Variants in B3GALT1 observed in about 807,000 individuals in gnomAD.
B3GALT1 encodes beta-1,3-galactosyltransferase 1.
A neutral mutation model predicts 23.2 loss-of-function variants in B3GALT1; 10 were observed. That is an observed-to-expected ratio of 0.43 (90% confidence interval 0.27 to 0.73). The LOEUF is 0.73. Ranked by LOEUF, B3GALT1 falls within the 30% of genes least tolerant of loss-of-function variation. B3GALT1 has a pLI of 0.21. For missense variants in B3GALT1, 299 were observed against 405.4 expected, an observed-to-expected ratio of 0.74 and a Z score of 2.25; for synonymous variants, 156 against 141.5, an observed-to-expected ratio of 1.10 and a Z score of -0.73.
intron 2 of B3GALT1, among the ~76,000 whole-genome samples, chr2:167,577,818 GAATTACTAA>G (rs1432827272): frequency 1.4e-5 from 2 of 148,046 alleles, no homozygotes; most frequent in Admixed American, 6.6e-5. Flanking sequence ...AGAACATTCT[GAATTACTAA>G]AATTAACCTA....
intron 1 of B3GALT1, among the ~76,000 whole-genome samples, chr2:167,342,224 C>T (rs1311721448): frequency 6.6e-6 from 1 of 152,110 alleles, no homozygotes; most frequent in Non-Finnish European, 1.5e-5. Context: ...AAAGACACAT[C>T]TTGAAAATGT....
intron 3 of B3GALT1, among the ~76,000 whole-genome samples, chr2:167,723,748 C>CAGGCTGAGG (rs1687268211): frequency 1.3e-5 from 2 of 152,230 alleles, no homozygotes; most frequent in East Asian, 3.9e-4. Context: ...TCAGGCTGGT[C>CAGGCTGAGG]TCGAACTCCT....
chr2:167,487,784 G>T (rs1328807473), intron 1 of B3GALT1, among the ~76,000 whole-genome samples: 1 of 152,078 alleles, frequency 6.6e-6, no homozygotes, highest in Non-Finnish European at 1.5e-5. Context: ...TGGAAAACGG[G>T]TCTATTTGTG....
Position 167,872,923 on chromosome 2 carries a change from C to G in B3GALT1, c.*2903C>G, listed in dbSNP as rs1690380780. ...CTTCTGCATGGAGCTTTTGGTGAAGCAAGGCCATTTGTCCAGTGTTTCATA... is the reference window on the plus strand; with the variant it reads ...CTTCTGCATGGAGCTTTTGGTGAAGGAAGGCCATTTGTCCAGTGTTTCATA... On this transcript the variant is annotated 3_prime_UTR_variant, in exon 5 of 5. Coordinates refer to ENST00000392690, the MANE Select transcript of B3GALT1 (RefSeq NM_020981.4). The G allele has an allele frequency of 6.6e-6, 1 of 152,122 alleles. No homozygotes were observed. Among genetic ancestry groups the G allele is most frequent in the Admixed American group, 6.6e-5 (1 of 15,266 alleles). The allele number at this position is 152,122 out of a possible 1,614,324, so 9.4% of individuals were successfully genotyped here. A position where few individuals can be genotyped will look rare whatever the true frequency, so the allele number is the denominator to read the frequency against.
At chr2:167,545,626 A>G (rs567549723) in intron 2 of B3GALT1, among the ~76,000 whole-genome samples, 1 of 152,208 alleles carries the variant, frequency 6.6e-6, no homozygotes, top group Admixed American at 6.5e-5. Flanking sequence ...ACAGTCCTGT[A>G]CAGGACTGCC....
At chr2:167,749,150 A>G (rs888041707) in intron 3 of B3GALT1, among the ~76,000 whole-genome samples, 1 of 152,262 alleles carries the variant, frequency 6.6e-6, no homozygotes, top group Non-Finnish European at 1.5e-5. Flanking sequence ...ATGATTAATC[A>G]TGAAAGTCCT....
chr2:167,597,117 G>GTTTTTTT, intron 2 of B3GALT1, among the ~76,000 whole-genome samples: 1 of 131,452 alleles, frequency 7.6e-6, no homozygotes, highest in Non-Finnish European at 1.7e-5. Flanking sequence ...TTTTGTTTTT[G>GTTTTTTT]TTTTTTTTTT....
At chr2:167,653,574 C>T (rs1046371286) in intron 3 of B3GALT1, among the ~76,000 whole-genome samples, 5 of 152,130 alleles carry the variant, frequency 3.3e-5, no homozygotes, top group African/African-American at 9.7e-5. Flanking sequence ...AAATGAAAGG[C>T]TTTAGAGGTC....
rs201675808 is a variant in B3GALT1, at chr2:167,676,469, TTA to T, written c.-352+29514_-352+29515del. The stretch of plus-strand genomic sequence containing the variant: ...TTTTATCAACTCTTCCCATCTAACC[TTA>T]TATATATATACACACACACACACAT... On this transcript the variant is annotated intron_variant, in intron 3 of 4. Coordinates refer to ENST00000392690, the MANE Select transcript of B3GALT1 (RefSeq NM_020981.4). Among the ~76,000 whole-genome samples the T allele has an allele frequency of 8.8e-5, 13 of 147,616 alleles. No homozygotes were observed. The East Asian group carries it at 2.0e-3, about 22-fold the overall frequency.
chr2:167,618,427 G>A (rs963040601), intron 2 of B3GALT1, among the ~76,000 whole-genome samples: 1 of 151,942 alleles, frequency 6.6e-6, no homozygotes, highest in Admixed American at 6.6e-5. Flanking sequence ...TGAACCTTTT[G>A]AGAGTACAGA....
At chr2:167,521,658 A>G (rs1700189924) in intron 2 of B3GALT1, among the ~76,000 whole-genome samples, 1 of 151,978 alleles carries the variant, frequency 6.6e-6, no homozygotes, top group South Asian at 2.1e-4. Flanking sequence ...AATTTCTTAC[A>G]CCTTTCCTAA....
chr2:167,863,465 C>T (rs563961835), intron 4 of B3GALT1, among the ~76,000 whole-genome samples: 18 of 152,264 alleles, frequency 1.2e-4, no homozygotes, highest in East Asian at 5.8e-4. Flanking sequence ...TTGTTAATAC[C>T]TGTGATGTAT....
At chr2:167,810,624 A>G (rs1214454372) in intron 3 of B3GALT1, among the ~76,000 whole-genome samples, 1 of 150,988 alleles carries the variant, frequency 6.6e-6, no homozygotes, top group Admixed American at 6.6e-5. Context: ...CCATCTGTGT[A>G]TTACAAAGTA....
At chr2:167,706,085 A>G (rs1199279068) in intron 3 of B3GALT1, among the ~76,000 whole-genome samples, 1 of 152,198 alleles carries the variant, frequency 6.6e-6, no homozygotes, top group African/African-American at 2.4e-5. Flanking sequence ...AGAAGAGACA[A>G]TCAGTAACTG....
intron 3 of B3GALT1, among the ~76,000 whole-genome samples, chr2:167,780,097 T>C (rs1050665029): frequency 6.6e-6 from 1 of 152,226 alleles, no homozygotes; most frequent in African/African-American, 2.4e-5. Context: ...TACAAGTGTT[T>C]ATTTTTTATC....
chr2:167,769,241 A>G lies in B3GALT1; in HGVS notation c.-351-49431A>G, dbSNP rs534397173. Among the ~76,000 whole-genome samples, 10 of 152,188 alleles carry G rather than the reference A, an allele frequency of 6.6e-5. No homozygotes were observed. In the East Asian group the frequency reaches 1.9e-3, roughly 30 times the overall value. ...ACAGCTGTTATTTCAGCCTGCACAA[A>G]TCCTAGTGGGCACAAGATGTAGTGT... On this transcript the variant is annotated intron_variant, in intron 3 of 4. Coordinates refer to ENST00000392690, the MANE Select transcript of B3GALT1 (RefSeq NM_020981.4).
intron 3 of B3GALT1, among the ~76,000 whole-genome samples, chr2:167,729,855 G>A (rs546402733): frequency 1.3e-5 from 2 of 152,190 alleles, no homozygotes; most frequent in South Asian, 4.1e-4. Flanking sequence ...GAGCTAAGGG[G>A]CATCCTGTTG....
At chr2:167,852,052 GA>G (rs1689913255) in intron 4 of B3GALT1, among the ~76,000 whole-genome samples, 1 of 152,164 alleles carries the variant, frequency 6.6e-6, no homozygotes, top group Admixed American at 6.5e-5. Context: ...TAACTTCTTG[GA>G]AGGGCAATTT....
chr2:167,714,518 C>T (rs919329516), intron 3 of B3GALT1: 52 of 1,611,546 alleles, frequency 3.2e-5, no homozygotes, highest in African/African-American at 3.2e-4. Flanking sequence ...ATATGGCGAA[C>T]GCTCTCTGCC....
Sources: gnomAD v4.1 joint callset for allele counts (sites outside exome capture counted in the v4.1 genomes callset) on GRCh38, gnomAD v4.1.1 for gene constraint, MANE v1.5 for transcripts, NCBI Gene and HGNC (gene_info 2026-07-23, HGNC 2026-07-21) for gene names.